Variants in CAPN14 observed in about 807,000 individuals in gnomAD.
CAPN14 encodes calpain-14.
In CAPN14, 94 loss-of-function variants were observed where a neutral mutation model predicts 101.3. The observed-to-expected ratio is 0.93, with a 90% CI of 0.79 to 1.10. The LOEUF is 1.10. Among genes scored for constraint, CAPN14 ranks in the 50% least tolerant of loss-of-function variants. CAPN14 has a pLI of 0.00. For synonymous variants in CAPN14, 338 were observed against 317.9 expected, an observed-to-expected ratio of 1.06 and a Z score of -0.67; for missense variants, 837 against 828.4, an observed-to-expected ratio of 1.01 and a Z score of -0.13.
intron 7 of CAPN14, among the ~76,000 whole-genome samples, chr2:31,198,261 TC>T (rs1681570716): frequency 6.6e-6 from 1 of 152,198 alleles, no homozygotes; most frequent in Admixed American, 6.5e-5. Context: ...CCCTCCCTGC[TC>T]CGAGTTGTCC....
chr2:31,187,577 C>T (rs1680963311), intron 15 of CAPN14, among the ~76,000 whole-genome samples, 181 bp downstream of exon 15: 1 of 152,226 alleles, frequency 6.6e-6, no homozygotes, highest in South Asian at 2.1e-4. Context: ...TAGACAATGG[C>T]TCCACTCATT....
At chr2:31,211,873 A>G (rs1682418077) in intron 1 of CAPN14, among the ~76,000 whole-genome samples, 1 of 152,220 alleles carries the variant, frequency 6.6e-6, no homozygotes, top group Admixed American at 6.5e-5. Context: ...ATTTAAAAAA[A>G]AGCAAGTCAG....
chr2:31,190,213 A>C, intron 12 of CAPN14, among the ~76,000 whole-genome samples: 1 of 137,320 alleles, frequency 7.3e-6, no homozygotes, highest in African/African-American at 2.8e-5. Context: ...TCTCTTGCTT[A>C]CTCTCCCCTT....
In CAPN14 at chr2:31,203,262, G is replaced by A. The variant is rs1420154471; in HGVS notation, c.226-123C>T. ...GGGGACAAAGATACAGAATATAGGT[G>A]TAATCAGTGCTATCCCAGAAGATCT... On this transcript the variant is annotated intron_variant, in intron 2 of 21. Coordinates refer to ENST00000403897, the MANE Select transcript of CAPN14 (RefSeq NM_001145122.2). 6 of 702,926 alleles carry A rather than the reference G, an allele frequency of 8.5e-6. No individual in the cohort carries two copies. In the Admixed American group the frequency reaches 9.2e-5, roughly 11 times the overall value. The allele number at this position is 702,926 out of a possible 1,614,324, so 43.5% of individuals were successfully genotyped here.
intron 20 of CAPN14, 33 bp from the exon 21 acceptor site, chr2:31,176,675 AT>A: frequency 1.3e-6 from 2 of 1,524,098 alleles, no homozygotes; most frequent in Non-Finnish European, 8.9e-7. Flanking sequence ...AATACAGCTA[AT>A]GTGTCTATTG....
intron 1 of CAPN14, among the ~76,000 whole-genome samples, chr2:31,212,784 A>T (rs1165770199): frequency 6.6e-6 from 1 of 152,226 alleles, no homozygotes; most frequent in East Asian, 1.9e-4. Context: ...CCTTTGATCA[A>T]CCTACAGGGT....
chr2:31,180,538 T>A (rs1486119406), intron 17 of CAPN14, among the ~76,000 whole-genome samples: 1 of 152,128 alleles, frequency 6.6e-6, no homozygotes, highest in East Asian at 1.9e-4. Flanking sequence ...CGCCCAGTTA[T>A]TAAATGGAAA....
At position 31,174,705 on chromosome 2, in the gene CAPN14, C is replaced by T; in HGVS notation, c.2031G>A (p.Trp677Ter). 3 of 1,551,642 alleles carry T rather than the reference C, an allele frequency of 1.9e-6. No homozygotes were observed. The highest frequency in any genetic ancestry group is 2.6e-6 in the Non-Finnish European group (3 of 1,146,986). Reference sequence around the variant, plus strand: ...CTCAGGAGTACAGTGCCATCATCATCCACTGGACATGTTGGGAAAGCAAAT... The same window carrying T: ...CTCAGGAGTACAGTGCCATCATCATTCACTGGACATGTTGGGAAAGCAAAT... ...GKGIYLQKPE[W>*]MMMALYS Residue 677 changes from tryptophan (W) to a stop codon, truncating the protein, a stop_gained and splice_region_variant, in exon 22 of 22, where the codon TGG (tryptophan) becomes TGA (stop). Transcript: ENST00000403897. LOFTEE classifies it high-confidence loss of function.
chr2:31,178,401 G>C, intron 18 of CAPN14, 110 bp downstream of exon 18: 1 of 793,234 alleles, frequency 1.3e-6, no homozygotes, highest in East Asian at 2.7e-5. Context: ...GAGAAGGTTT[G>C]GTGAGGTGGA....
chr2:31,210,579 A>T (rs937967399), intron 1 of CAPN14, among the ~76,000 whole-genome samples: 1 of 152,232 alleles, frequency 6.6e-6, no homozygotes, highest in African/African-American at 2.4e-5. Flanking sequence ...GAGTTGACTT[A>T]TTTTCATTTT....
rs1014328527 is a variant in CAPN14, at chr2:31,183,764, T to A, written c.1645+2664A>T. The stretch of plus-strand genomic sequence containing the variant: ...GGACTGTAAACTAGTCCTTTCTTTC[T>A]TTCTTTCCTTCTTCCCTTCTTCCCT... On this transcript the variant is annotated intron_variant, in intron 16 of 21. Transcript: ENST00000403897. 2.6e-5 allele frequency among the ~76,000 whole-genome samples: 4 copies of A among 151,804 alleles called. No individual in the cohort carries two copies. In the South Asian group the frequency reaches 8.3e-4, roughly 32 times the overall value.
In CAPN14 at chr2:31,193,136, A is replaced by C; in HGVS notation, c.1109T>G (p.Leu370Arg). The change falls in exon 10 of 22, where the codon CTG becomes CGG. Residue 370 changes from leucine (L) to arginine (R), a missense_variant. Physicochemically the swap from Leu to Arg is moderately radical, Grantham distance 102. Coordinates refer to ENST00000403897, the MANE Select transcript of CAPN14 (RefSeq NM_001145122.2). ...RSTAGGQRQL[L>R]QDTFWKNPQF... ...GCTCCTGTGCACATGCTCACCCTGC[A>C]GCAACTGCCTCTGGCCACCAGCTGT... The C allele has an allele frequency of 1.3e-5, 20 of 1,549,734 alleles. No individual in the cohort carries two copies. The highest frequency in any genetic ancestry group is 1.7e-5 in the Non-Finnish European group (20 of 1,146,814).
chr2:31,210,405 G>A (rs1416225952), intron 1 of CAPN14, among the ~76,000 whole-genome samples: 4 of 152,052 alleles, frequency 2.6e-5, no homozygotes, highest in South Asian at 2.1e-4. Flanking sequence ...CCGAGATTGC[G>A]CCACTGCACT....
intron 2 of CAPN14, among the ~76,000 whole-genome samples, chr2:31,203,458 T>C (rs1681901033): frequency 6.6e-6 from 1 of 152,192 alleles, no homozygotes; most frequent in South Asian, 2.1e-4. Context: ...ATTTTCAGTT[T>C]TCCTAGATAT....
At chr2:31,227,058 A>G (rs1328608332) in intron 1 of CAPN14, among the ~76,000 whole-genome samples, 2 of 152,222 alleles carry the variant, frequency 1.3e-5, no homozygotes, top group African/African-American at 4.8e-5. Context: ...CCTGTGCTAC[A>G]AAAGCAGACA....
intron 1 of CAPN14, among the ~76,000 whole-genome samples, chr2:31,216,222 A>G (rs1682636970): frequency 6.6e-6 from 1 of 152,176 alleles, no homozygotes; most frequent in Non-Finnish European, 1.5e-5. Context: ...TGACAAAACC[A>G]ATCTATATGT....
At chr2:31,211,053 A>T (rs1266847403) in intron 1 of CAPN14, among the ~76,000 whole-genome samples, 1 of 152,140 alleles carries the variant, frequency 6.6e-6, no homozygotes, top group Admixed American at 6.5e-5. Context: ...GATATTTACT[A>T]AAAAAATCTA....
intron 20 of CAPN14, 31 bp from the exon 21 acceptor site, chr2:31,176,673 TA>T: frequency 6.6e-7 from 1 of 1,526,102 alleles, no homozygotes; most frequent in Non-Finnish European, 8.9e-7. Flanking sequence ...GGAATACAGC[TA>T]ATGTGTCTAT....
chr2:31,188,184 T>A, intron 14 of CAPN14, 134 bp downstream of exon 14: 1 of 783,178 alleles, frequency 1.3e-6, no homozygotes, highest in Non-Finnish European at 2.2e-6. Context: ...ATACAACGGG[T>A]AATGTTTGCC....
Sources: allele counts gnomAD v4.1 joint callset (sites outside exome capture counted in the v4.1 genomes callset), GRCh38; gene constraint gnomAD v4.1.1; transcripts MANE v1.5; gene names NCBI Gene and HGNC (gene_info 2026-07-23, HGNC 2026-07-21).